The following GNG12 variants were observed in gnomAD, a reference collection of about 807,000 sequenced individuals.
GNG12 encodes the protein G protein subunit gamma 12, also known as guanine nucleotide-binding protein G(I)/G(S)/G(O) subunit gamma-12.
For missense variants in GNG12, 69 were observed against 83.8 expected, an observed-to-expected ratio of 0.82 and a Z score of 0.69; for synonymous variants, 28 against 29.7, an observed-to-expected ratio of 0.94 and a Z score of 0.19.
intron 2 of GNG12, among the ~76,000 whole-genome samples, chr1:67,769,597 T>A (rs775073564): frequency 8.5e-5 from 13 of 152,128 alleles, no homozygotes; most frequent in Non-Finnish European, 1.6e-4. Context: ...GAGCACAGTT[T>A]CCAAATACTA....
At chr1:67,807,155 A>G (rs1165180888) in intron 1 of GNG12, among the ~76,000 whole-genome samples, 1 of 152,154 alleles carries the variant, frequency 6.6e-6, no homozygotes, top group African/African-American at 2.4e-5. Flanking sequence ...ATCTCAAAAT[A>G]CCTAGAGATT....
chr1:67,744,847 A>G (rs1483776562), intron 2 of GNG12, among the ~76,000 whole-genome samples: 1 of 152,208 alleles, frequency 6.6e-6, no homozygotes, highest in Non-Finnish European at 1.5e-5. Flanking sequence ...CCCTCCCAGC[A>G]CATCTCCTAA....
intron 1 of GNG12, among the ~76,000 whole-genome samples, chr1:67,823,571 G>T (rs918682574): frequency 6.6e-6 from 1 of 152,142 alleles, no homozygotes; most frequent in South Asian, 2.1e-4. Flanking sequence ...TGTAAGAACC[G>T]CCCCAAACCG....
chr1:67,752,711 CT>C (rs1646545977), intron 2 of GNG12, among the ~76,000 whole-genome samples: 1 of 152,216 alleles, frequency 6.6e-6, no homozygotes, highest in African/African-American at 2.4e-5. Context: ...ATTTCATATA[CT>C]TTAATTTCTT....
chr1:67,716,764 C>T (rs1646327955), intron 2 of GNG12, among the ~76,000 whole-genome samples: 1 of 152,174 alleles, frequency 6.6e-6, no homozygotes, highest in Non-Finnish European at 1.5e-5. Flanking sequence ...GACAGGTTAT[C>T]CCCATAGCAA....
At chr1:67,821,284 T>G (rs1210822326) in intron 1 of GNG12, among the ~76,000 whole-genome samples, 1 of 152,048 alleles carries the variant, frequency 6.6e-6, no homozygotes, top group African/African-American at 2.4e-5. Flanking sequence ...AAAGGAGCCC[T>G]TAAAAACAGA....
At chr1:67,761,883 C>T (rs1282861656) in intron 2 of GNG12, among the ~76,000 whole-genome samples, 2 of 152,010 alleles carry the variant, frequency 1.3e-5, no homozygotes, top group Middle Eastern at 3.2e-3. Flanking sequence ...AGTTTAATCA[C>T]GGCTCCACTC....
Position 67,833,361 on chromosome 1 carries a change from G to A in GNG12, c.-94C>T, listed in dbSNP as rs2100839274. 4.1e-6 allele frequency: 4 copies of A among 984,902 alleles called. No homozygotes were observed. The South Asian group carries it at 1.8e-4, about 45-fold the overall frequency. 61.0% of individuals were successfully genotyped at this position (984,902 alleles called of 1,614,324 possible). A position where few individuals can be genotyped will look rare whatever the true frequency, so the allele number is the denominator to read the frequency against. On this transcript the variant is annotated 5_prime_UTR_variant, in exon 1 of 4. Coordinates refer to ENST00000370982, the MANE Select transcript of GNG12 (RefSeq NM_018841.6). ...GTACTCACCCGCCTGCCGGTGCGCT[G>A]CCCCGCCGTCGCCGCCGGGACTCGG...
At chr1:67,774,496 T>C (rs1237943976) in intron 2 of GNG12, among the ~76,000 whole-genome samples, 2 of 152,224 alleles carry the variant, frequency 1.3e-5, no homozygotes, top group African/African-American at 4.8e-5. Context: ...TGCCATGCAG[T>C]GGCAGCCACA....
At chr1:67,741,608 C>A (rs1175534778) in intron 2 of GNG12, among the ~76,000 whole-genome samples, 1 of 152,128 alleles carries the variant, frequency 6.6e-6, no homozygotes, top group Non-Finnish European at 1.5e-5. Context: ...TTTAATTCCA[C>A]CATCTTTGAG....
intron 1 of GNG12, among the ~76,000 whole-genome samples, chr1:67,823,089 G>T (rs1030871933): frequency 6.6e-6 from 1 of 152,124 alleles, no homozygotes; most frequent in Non-Finnish European, 1.5e-5. Flanking sequence ...AAATTAAAGG[G>T]AGAACAGGAG....
At chr1:67,729,411 T>C (rs181339804) in intron 2 of GNG12, among the ~76,000 whole-genome samples, 1 of 152,346 alleles carries the variant, frequency 6.6e-6, no homozygotes, top group East Asian at 1.9e-4. Flanking sequence ...GCTAATAAAA[T>C]AGCTTTTATT....
intron 2 of GNG12, among the ~76,000 whole-genome samples, chr1:67,746,595 C>CG (rs908676245): frequency 3.5e-4 from 53 of 152,280 alleles, no homozygotes; most frequent in African/African-American, 1.2e-3. Context: ...GAGCCTCCCT[C>CG]ATTCCTCTCC....
chr1:67,811,360 A>G (rs1324393691), intron 1 of GNG12, among the ~76,000 whole-genome samples: 1 of 152,150 alleles, frequency 6.6e-6, no homozygotes, highest in African/African-American at 2.4e-5. Context: ...CTCTTTGGCC[A>G]TTAGAGATAC....
chr1:67,706,400 GA>G (rs1225328072), intron 3 of GNG12, among the ~76,000 whole-genome samples: 1 of 152,190 alleles, frequency 6.6e-6, no homozygotes, highest in Non-Finnish European at 1.5e-5. Context: ...AGTAAAAAGA[GA>G]GACGAAACCA....
intron 2 of GNG12, among the ~76,000 whole-genome samples, chr1:67,738,811 C>T (rs1269461029): frequency 6.6e-6 from 1 of 152,142 alleles, no homozygotes; most frequent in Non-Finnish European, 1.5e-5. Context: ...CCTAAGAGTT[C>T]AAGGTTATAG....
Position 67,704,394 on chromosome 1 carries a change from CAG to C in GNG12, c.*1055_*1056del, listed in dbSNP as rs1016193419. ...GGGAAGGTAATGTTACCTCTGCAAA[CAG>C]ATGCTCTGGTAAGAGAAGAAAGACA... On this transcript the variant is annotated 3_prime_UTR_variant, in exon 4 of 4. Coordinates refer to ENST00000370982, the MANE Select transcript of GNG12 (RefSeq NM_018841.6). 2.0e-5 allele frequency: 3 copies of C among 151,988 alleles called. No individual in the cohort carries two copies. The highest frequency in any genetic ancestry group is 6.6e-5 in the Admixed American group (1 of 15,260). 9.4% of individuals were successfully genotyped at this position (151,988 alleles called of 1,614,324 possible).
chr1:67,823,337 T>C (rs1646994184), intron 1 of GNG12, among the ~76,000 whole-genome samples: 1 of 152,204 alleles, frequency 6.6e-6, no homozygotes, highest in Non-Finnish European at 1.5e-5. Flanking sequence ...AGTTTAGTAA[T>C]ACCATTAGCT....
chr1:67,831,119 A>C (rs1647041899), intron 1 of GNG12, among the ~76,000 whole-genome samples: 1 of 152,224 alleles, frequency 6.6e-6, no homozygotes, highest in African/African-American at 2.4e-5. Context: ...CTTCTCTTCC[A>C]AGTTAGGGCT....
Sources: gnomAD v4.1 joint callset for allele counts (sites outside exome capture counted in the v4.1 genomes callset) on GRCh38, gnomAD v4.1.1 for gene constraint, MANE v1.5 for transcripts, NCBI Gene and HGNC (gene_info 2026-07-23, HGNC 2026-07-21) for gene names.